TRPM7: variants seen among roughly 807,000 people sequenced by gnomAD.
TRPM7 encodes the protein LTRPC ion channel family member 7.
Under a neutral mutation model 229.7 loss-of-function variants are expected in TRPM7, and 134 were observed. That is an observed-to-expected ratio of 0.58 (90% CI 0.51 to 0.67). TRPM7 has a LOEUF of 0.67. Ranked by LOEUF, TRPM7 falls within the 30% of genes least tolerant of loss-of-function variation. The pLI is 0.00. For synonymous variants in TRPM7, 699 were observed against 715.2 expected (o/e 0.98, Z 0.36); for missense variants, 1,901 against 2,210.0 (o/e 0.86, Z 2.80).
At chr15:50,620,790 G>A (rs1285948713) in intron 12 of TRPM7, among the ~76,000 whole-genome samples, 1 of 151,984 alleles carries the variant, frequency 6.6e-6, no homozygotes, top group African/African-American at 2.4e-5. Flanking sequence ...AAATTAGCCG[G>A]GTGTGGTGGC....
In TRPM7 at chr15:50,578,720, A is replaced by G. The variant is rs1293322692; in HGVS notation, c.4593-56T>C. The G allele has an allele frequency of 3.7e-6, 5 of 1,355,502 alleles. No individual in the cohort carries two copies. In the Admixed American group the frequency reaches 9.3e-5, roughly 25 times the overall value. 84.0% of individuals were successfully genotyped at this position (1,355,502 alleles called of 1,614,324 possible). ...CTGTGCTATGATTTAAGTTTTGGCT[A>G]TCATTTAATTTTTTGATTTTATACA... On this transcript the variant is annotated intron_variant, in intron 30 of 38. Transcript: ENST00000646667.
chr15:50,685,970 C>T (rs2062351127), intron 1 of TRPM7, among the ~76,000 whole-genome samples: 1 of 152,174 alleles, frequency 6.6e-6, no homozygotes, highest in Non-Finnish European at 1.5e-5. Flanking sequence ...TTGTCAAATC[C>T]CTCCCTTTTG....
chr15:50,587,996 A>C (rs984013530), intron 27 of TRPM7, among the ~76,000 whole-genome samples: 1 of 152,124 alleles, frequency 6.6e-6, no homozygotes, highest in Admixed American at 6.5e-5. Flanking sequence ...GTGTCAGCTA[A>C]GGCTACCTAA....
chr15:50,642,381 A>G (rs1036828270), intron 5 of TRPM7, among the ~76,000 whole-genome samples: 4 of 152,184 alleles, frequency 2.6e-5, no homozygotes, highest in African/African-American at 9.7e-5. Flanking sequence ...ACAATATATA[A>G]ACTGATATGG....
chr15:50,583,054 A>G, intron 29 of TRPM7, 35 bp downstream of exon 29: 1 of 1,417,804 alleles, frequency 7.1e-7, no homozygotes, highest in Non-Finnish European at 9.5e-7. Flanking sequence ...TAATGTATTT[A>G]ATAATATATA....
intron 20 of TRPM7, among the ~76,000 whole-genome samples, chr15:50,605,782 G>A (rs376646535): frequency 6.6e-6 from 1 of 152,060 alleles, no homozygotes; most frequent in Non-Finnish European, 1.5e-5. Flanking sequence ...ATTTTAAAAC[G>A]CTTTGCAATT....
chr15:50,572,251 A>G (rs1596066525), intron 36 of TRPM7, among the ~76,000 whole-genome samples: 1 of 152,250 alleles, frequency 6.6e-6, no homozygotes, highest in East Asian at 1.9e-4. Flanking sequence ...GAGCTACTGC[A>G]CTCCAGCCTG....
In TRPM7 at chr15:50,609,495, T is replaced by C; in HGVS notation, c.2580+86A>G. ...AATGCCTTTTCAGTGATCTAAGTTA[T>C]ATCAACATTAGTATGGATTCCGAAC... is the stretch of plus-strand genomic sequence containing the variant. On this transcript the variant is annotated intron_variant, in intron 19 of 38. Coordinates refer to ENST00000646667, the MANE Select transcript of TRPM7 (RefSeq NM_017672.6). 3.1e-6 allele frequency: 4 copies of C among 1,282,996 alleles called. No homozygotes were observed. The South Asian group carries it at 6.6e-5, about 21-fold the overall frequency. The allele number at this position is 1,282,996 out of a possible 1,614,324, so 79.5% of individuals were successfully genotyped here. A position where few individuals can be genotyped will look rare whatever the true frequency, so the allele number is the denominator to read the frequency against.
intron 1 of TRPM7, among the ~76,000 whole-genome samples, chr15:50,677,380 C>G (rs559261216): frequency 6.6e-6 from 1 of 151,852 alleles, no homozygotes; most frequent in African/African-American, 2.4e-5. Context: ...TCTCGGGGAG[C>G]GAGGGAGATC....
intron 21 of TRPM7, among the ~76,000 whole-genome samples, chr15:50,600,734 A>G (rs902266811): frequency 1.3e-5 from 2 of 152,260 alleles, no homozygotes; most frequent in Non-Finnish European, 2.9e-5. Flanking sequence ...GGCCGGATAA[A>G]GTAATTTTAT....
chr15:50,619,861 G>A (rs1487061881), intron 12 of TRPM7, 63 bp from the exon 13 acceptor site: 1 of 1,360,382 alleles, frequency 7.4e-7, no homozygotes, highest in Non-Finnish European at 1.0e-6. Flanking sequence ...AAACCTTACA[G>A]GATTTTTATG....
In TRPM7 at chr15:50,628,144, C is replaced by G. The variant is rs1288849184; in HGVS notation, c.1305+5G>C. 6.3e-7 allele frequency: 1 copy of G among 1,589,704 alleles called. No individual in the cohort carries two copies. Among genetic ancestry groups the G allele is most frequent in the Non-Finnish European group, 8.6e-7 (1 of 1,160,686 alleles). The stretch of plus-strand genomic sequence containing the variant: ...TTGTATTGTGTATGTAGATTATTTA[C>G]ATACCAGCCACTGCTGTCCATAAAC... On this transcript the variant is annotated splice_donor_5th_base_variant and intron_variant, in intron 11 of 38. Transcript: ENST00000646667.
At chr15:50,607,110 A>C in intron 20 of TRPM7, 90 bp downstream of exon 20, 3 of 1,108,458 alleles carry the variant, frequency 2.7e-6, no homozygotes, top group Non-Finnish European at 3.8e-6. Flanking sequence ...ACACACACAC[A>C]CCCCCCTACG....
Position 50,661,196 on chromosome 15 carries a change from C to T in TRPM7, c.83+1771G>A, listed in dbSNP as rs192270678. Among the ~76,000 whole-genome samples, 991 of 152,038 alleles carry T rather than the reference C, an allele frequency of 6.5e-3. 9 individuals are homozygous for T. Among genetic ancestry groups the T allele is most frequent in the Admixed American group, 0.027 (407 of 15,260 alleles). On this transcript the variant is annotated intron_variant, in intron 2 of 38. Coordinates refer to ENST00000646667, the MANE Select transcript of TRPM7 (RefSeq NM_017672.6). ...TTCACCATGTTGGCCAGGCTGGTCT[C>T]GAACTCCTGACCTCGTGATCCGCCC...
In TRPM7 at chr15:50,557,984, T is replaced by G. The variant is rs569369290; in HGVS notation, c.*3694A>C. On this transcript the variant is annotated 3_prime_UTR_variant, in exon 39 of 39. Transcript: ENST00000646667. ...TAAGAATATGGTAAAAGAGTTTTAT[T>G]CTCTTCAGTAAGATGAGGTTGAGAA... The G allele has an allele frequency of 5.9e-5, 9 of 152,302 alleles. No homozygotes were observed. In the East Asian group the frequency reaches 1.2e-3, roughly 20 times the overall value. The allele number at this position is 152,302 out of a possible 1,614,324, so 9.4% of individuals were successfully genotyped here.
In TRPM7 at chr15:50,607,325, C is replaced by T; in HGVS notation, c.2584G>A (p.Ala862Thr). 1.9e-6 allele frequency: 3 copies of T among 1,561,492 alleles called. No individual in the cohort carries two copies. In the East Asian group the frequency reaches 6.9e-5, roughly 36 times the overall value. Residue 862 changes from alanine (A) to threonine (T), a missense_variant, in exon 20 of 39, where the codon GCA becomes ACA. Physicochemically the swap from Ala to Thr is moderately conservative, Grantham distance 58 (BLOSUM62 0). This residue lies in a region of TRPM7 where 207 missense variants were observed against 241.5 expected (regional missense o/e 0.86). Transcript: ENST00000646667. The stretch of plus-strand genomic sequence containing the variant: ...TAAAGCATCAGAAATCCTAAATATG[C>T]CAACTAATGAAAAAGTAAAGGTTAC... Reference protein sequence around the residue: ...PIVKFWFNTLAYLGFLMLYTF... With the variant: ...PIVKFWFNTLTYLGFLMLYTF...
intron 1 of TRPM7, among the ~76,000 whole-genome samples, chr15:50,677,610 G>A (rs1312174893): frequency 1.3e-5 from 2 of 151,508 alleles, no homozygotes; most frequent in East Asian, 2.0e-4. Context: ...GTGGTGTCAC[G>A]CGCCTGTAAT....
chr15:50,607,119 C>A, intron 20 of TRPM7, 81 bp downstream of exon 20: 3 of 1,309,468 alleles, frequency 2.3e-6, no homozygotes, highest in South Asian at 1.5e-5. Context: ...CACCCCCCTA[C>A]GTATACACCC....
intron 12 of TRPM7, among the ~76,000 whole-genome samples, chr15:50,623,492 CT>C (rs201091512): frequency 0.05 from 3,435 of 68,204 alleles, 261 homozygotes; most frequent in African/African-American, 0.093. Context: ...GCCCCGCCCC[CT>C]CCCCGCCCCG....
Sources: allele counts gnomAD v4.1 joint callset (sites outside exome capture counted in the v4.1 genomes callset), GRCh38; gene constraint gnomAD v4.1.1; regional missense constraint gnomAD v4.1.1; transcripts MANE v1.5; gene names NCBI Gene and HGNC (gene_info 2026-07-23, HGNC 2026-07-21).